The following PARP15 variants were observed in gnomAD, a reference collection of about 807,000 sequenced individuals.
PARP15 encodes poly(ADP-ribose) polymerase family member 15.
Under a neutral mutation model 62.1 loss-of-function variants are expected in PARP15, and 50 were observed. The observed-to-expected ratio is 0.81, with a 90% confidence interval of 0.64 to 1.02. The LOEUF (loss-of-function observed/expected upper bound fraction) is 1.02, where lower values mean the gene tolerates loss of function less well. PARP15 is among the 50% of genes least tolerant of loss of function. The probability of loss-of-function intolerance (pLI) is 0.00; values close to 1 mark genes in which losing one functional copy is unlikely to be tolerated. For synonymous variants in PARP15, 309 were observed against 293.1 expected (o/e 1.05, Z -0.55); for missense variants, 820 against 826.5 (o/e 0.99, Z 0.10).
rs556890925 is a variant in PARP15, at chr3:122,636,384, T to C, written c.*284T>C. On this transcript the variant is annotated 3_prime_UTR_variant, in exon 12 of 12. Transcript: ENST00000464300. ...AGAATAAAAAGCACATTATTCTTTTTCTATCAGAAAAAAACAAGATGCATC... is the reference window on the plus strand; with the variant it reads ...AGAATAAAAAGCACATTATTCTTTTCCTATCAGAAAAAAACAAGATGCATC... 1 of 345,210 alleles carries C rather than the reference T, an allele frequency of 2.9e-6. No individual in the cohort carries two copies. The highest frequency in any genetic ancestry group is 5.6e-5 in the East Asian group (1 of 17,998). 21.4% of individuals were successfully genotyped at this position (345,210 alleles called of 1,614,324 possible).
chr3:122,626,768 T>C, intron 8 of PARP15, 59 bp from the exon 9 acceptor site: 2 of 1,487,588 alleles, frequency 1.3e-6, no homozygotes, highest in Non-Finnish European at 1.8e-6. Context: ...GGATTTGCCA[T>C]ATTTCATCAT....
At position 122,621,450 on chromosome 3, in the gene PARP15, A is replaced by G. The variant is rs1936332189; in HGVS notation, c.1070A>G (p.Gln357Arg). The change falls in exon 8 of 12, where the codon CAG becomes CGG. Residue 357 changes from glutamine (Q) to arginine (R), a missense_variant. Physicochemically the swap from Gln to Arg is conservative, Grantham distance 43 (BLOSUM62 1). This residue lies in a region of PARP15 where 731 missense variants were observed against 727.7 expected (regional missense o/e 1.00). Coordinates refer to ENST00000464300, the MANE Select transcript of PARP15 (RefSeq NM_001113523.3). ...TTTCTTTCCTTTTTTTCAGCTGCACAGCCTCACAGAGATTTTATAATTACA... is the reference window on the plus strand; with the variant it reads ...TTTCTTTCCTTTTTTTCAGCTGCACGGCCTCACAGAGATTTTATAATTACA... ...VESECAVLAA[Q>R]PHRDFIITPG... The G allele has an allele frequency of 6.2e-7, 1 of 1,603,984 alleles. No individual in the cohort carries two copies. Among genetic ancestry groups the G allele is most frequent in the Non-Finnish European group, 8.5e-7 (1 of 1,176,508 alleles).
rs1937419157 is a variant in PARP15 at position 122,637,189 on chromosome 3, CAAT to C, written c.*1090_*1092del. On this transcript the variant is annotated 3_prime_UTR_variant, in exon 12 of 12. Coordinates refer to ENST00000464300, the MANE Select transcript of PARP15 (RefSeq NM_001113523.3). ...TGCACAGATAGAATATTAGCAGTGA[CAAT>C]GATGCTAGAGGTCACCTACCCCACT... The C allele has an allele frequency of 6.6e-6, 1 of 152,170 alleles. No homozygotes were observed. Among genetic ancestry groups the C allele is most frequent in the East Asian group, 1.9e-4 (1 of 5,192 alleles). 9.4% of individuals were successfully genotyped at this position (152,170 alleles called of 1,614,324 possible).
intron 2 of PARP15, among the ~76,000 whole-genome samples, chr3:122,608,073 G>A (rs1446732956): frequency 6.6e-6 from 1 of 152,112 alleles, no homozygotes; most frequent in Non-Finnish European, 1.5e-5. Flanking sequence ...CCAAAAAAGT[G>A]TGGCTTTCCA....
intron 1 of PARP15, among the ~76,000 whole-genome samples, chr3:122,580,426 G>T (rs2080779110): frequency 6.6e-6 from 1 of 151,962 alleles, no homozygotes; most frequent in African/African-American, 2.4e-5. Flanking sequence ...GATAATATTT[G>T]CACTGAAATC....
chr3:122,597,356 TTC>T (rs1483785205), intron 1 of PARP15, among the ~76,000 whole-genome samples: 4 of 152,138 alleles, frequency 2.6e-5, no homozygotes, highest in Admixed American at 6.6e-5. Context: ...GGTTTTTTTT[TTC>T]TTTTTTAAAA....
rs147210632 is a variant in PARP15 at position 122,591,152 on chromosome 3, T to A, written c.186+13299T>A. ...AGGAAGTAATATAAAGGCCAAATCC[T>A]TTCAAATCTCAAATCAGATATAAAA... On this transcript the variant is annotated intron_variant, in intron 1 of 11. Coordinates refer to ENST00000464300, the MANE Select transcript of PARP15 (RefSeq NM_001113523.3). Among the ~76,000 whole-genome samples the A allele has an allele frequency of 6.6e-5, 10 of 152,348 alleles. No individual in the cohort carries two copies. The East Asian group carries it at 1.9e-3, about 29-fold the overall frequency.
chr3:122,610,670 C>G lies in PARP15; in HGVS notation c.483C>G (p.Cys161Trp). 1 of 1,550,154 alleles carries G rather than the reference C, an allele frequency of 6.5e-7. No homozygotes were observed. The highest frequency in any genetic ancestry group is 8.7e-7 in the Non-Finnish European group (1 of 1,146,140). ...IFMTSGCNLD[C>W]KAVLHAVAPY... ...TGACAAGCGGCTGCAATCTGGACTG[C>G]AAAGCTGTGCTCCATGCTGTGGCTC... Residue 161 changes from cysteine (C) to tryptophan (W), a missense_variant, in exon 3 of 12, where the codon TGC (cysteine) becomes TGG (tryptophan). This residue lies in a region of PARP15 where 731 missense variants were observed against 727.7 expected (regional missense o/e 1.00). Transcript: ENST00000464300.
intron 8 of PARP15, among the ~76,000 whole-genome samples, chr3:122,626,438 T>C (rs553311389): frequency 5.7e-4 from 87 of 152,250 alleles, no homozygotes; most frequent in African/African-American, 1.8e-3. Context: ...GACCTCGTGA[T>C]CCACCCACCT....
rs1936036828 is a variant in PARP15 at position 122,617,227 on chromosome 3, G to A, written c.1000+63G>A. On this transcript the variant is annotated intron_variant, in intron 6 of 11. Transcript: ENST00000464300. ...GACTAATTTCTGGAAGGGAAATTGT[G>A]GCTAATATTTGCCCTGAGTGGACAG... is the stretch of plus-strand genomic sequence containing the variant. 5 of 1,512,448 alleles carry A rather than the reference G, an allele frequency of 3.3e-6. No individual in the cohort carries two copies. In the South Asian group the frequency reaches 6.0e-5, roughly 18 times the overall value. 93.7% of individuals were successfully genotyped at this position (1,512,448 alleles called of 1,614,324 possible).
chr3:122,628,788 C>T (rs182407923), intron 9 of PARP15, among the ~76,000 whole-genome samples: 2 of 152,248 alleles, frequency 1.3e-5, no homozygotes, highest in African/African-American at 2.4e-5. Flanking sequence ...AACTGCATTA[C>T]GTCATCTTTG....
chr3:122,605,239 T>C (rs1935083111), intron 1 of PARP15, among the ~76,000 whole-genome samples: 1 of 152,046 alleles, frequency 6.6e-6, no homozygotes, highest in Admixed American at 6.6e-5. Flanking sequence ...TCAGTATGCC[T>C]GTACTTCCTC....
At chr3:122,614,514 C>T (rs1357754095) in intron 4 of PARP15, among the ~76,000 whole-genome samples, 1 of 152,108 alleles carries the variant, frequency 6.6e-6, no homozygotes, top group East Asian at 1.9e-4. Context: ...TAAAAAACAA[C>T]ATTTACCCCC....
chr3:122,634,958 C>A, intron 10 of PARP15, 62 bp from the exon 11 acceptor site: 4 of 1,473,682 alleles, frequency 2.7e-6, no homozygotes, highest in Non-Finnish European at 3.7e-6. Flanking sequence ...AAATCCACAA[C>A]AAGTACAATA....
chr3:122,615,079 A>G (rs868772289), intron 4 of PARP15: 120 of 983,822 alleles, frequency 1.2e-4, no homozygotes, highest in Middle Eastern at 1.0e-3. Context: ...AGAAAGAGAA[A>G]AAGAAAAAGT....
chr3:122,611,606 T>C (rs151002818), intron 3 of PARP15, among the ~76,000 whole-genome samples: 4,940 of 152,320 alleles, frequency 0.032, 277 homozygotes, highest in African/African-American at 0.11. Context: ...CCCAAAGTGC[T>C]GGGATTACAG....
chr3:122,627,725 A>T (rs1936822653), intron 9 of PARP15, among the ~76,000 whole-genome samples: 1 of 152,232 alleles, frequency 6.6e-6, no homozygotes, highest in East Asian at 1.9e-4. Context: ...TATGCCATCA[A>T]CAGCCTCCCT....
intron 1 of PARP15, chr3:122,594,508 C>A (rs1934186664): frequency 1.0e-6 from 1 of 977,138 alleles, no homozygotes. Context: ...CAAACGATCT[C>A]AAATTGGAAG....
chr3:122,588,600 G>A (rs1343625224), intron 1 of PARP15, among the ~76,000 whole-genome samples: 1 of 152,160 alleles, frequency 6.6e-6, no homozygotes, highest in African/African-American at 2.4e-5. Context: ...TGAGGCTGCA[G>A]TGAACCATGA....
Sources: gnomAD v4.1 joint callset for allele counts (sites outside exome capture counted in the v4.1 genomes callset) on GRCh38, gnomAD v4.1.1 for gene constraint, gnomAD v4.1.1 regional missense constraint, MANE v1.5 for transcripts, NCBI Gene and HGNC (gene_info 2026-07-23, HGNC 2026-07-21) for gene names.